SEL1L3: variants seen among roughly 807,000 people sequenced by gnomAD.
SEL1L3 encodes the protein SEL1L family member 3.
In SEL1L3, 76 loss-of-function variants were observed where a neutral mutation model predicts 142.8. The observed-to-expected ratio is 0.53, with a 90% CI of 0.44 to 0.64. The LOEUF (loss-of-function observed/expected upper bound fraction) is 0.64, where lower values mean the gene tolerates loss of function less well. Ranked by LOEUF, SEL1L3 falls within the 30% of genes least tolerant of loss-of-function variation. SEL1L3 has a pLI of 0.00. For missense variants in SEL1L3, 1,262 were observed against 1,381.7 expected (o/e 0.91, Z 1.37); for synonymous variants, 504 against 519.6 (o/e 0.97, Z 0.41).
chr4:25,757,281 T>C (rs929349504), intron 23 of SEL1L3, among the ~76,000 whole-genome samples: 6 of 151,530 alleles, frequency 4.0e-5, no homozygotes, highest in Non-Finnish European at 7.4e-5. Flanking sequence ...AAAAACAAAA[T>C]AAAATAAAAA....
intron 11 of SEL1L3, among the ~76,000 whole-genome samples, chr4:25,801,201 A>C (rs936715413): frequency 2.6e-5 from 4 of 152,220 alleles, no homozygotes; most frequent in African/African-American, 7.2e-5. Flanking sequence ...TCAGGAGTTC[A>C]AGACCAGCCT....
chr4:25,858,626 G>A (rs990841449), intron 1 of SEL1L3, among the ~76,000 whole-genome samples: 15 of 151,782 alleles, frequency 9.9e-5, no homozygotes, highest in Admixed American at 8.5e-4. Flanking sequence ...TCACTCTGTC[G>A]CCAGGCTGGA....
At chr4:25,765,553 A>G in intron 19 of SEL1L3, 118 bp from the exon 20 acceptor site, 1 of 666,406 alleles carries the variant, frequency 1.5e-6, no homozygotes, top group South Asian at 1.9e-5. Flanking sequence ...AATACAGAAC[A>G]TCTTTATGTT....
chr4:25,829,600 G>A (rs562190752), intron 6 of SEL1L3, among the ~76,000 whole-genome samples: 44 of 152,296 alleles, frequency 2.9e-4, no homozygotes, highest in African/African-American at 1.1e-3. Flanking sequence ...TCAGTTCTTA[G>A]TTTCTGTAAC....
chr4:25,797,432 T>C (rs1712858603), intron 11 of SEL1L3, among the ~76,000 whole-genome samples: 1 of 152,028 alleles, frequency 6.6e-6, no homozygotes, highest in Admixed American at 6.6e-5. Flanking sequence ...AGGCTCCCAG[T>C]AGGAGTGCGT....
intron 23 of SEL1L3, among the ~76,000 whole-genome samples, chr4:25,754,849 CT>C (rs1226920970): frequency 1.3e-5 from 2 of 152,046 alleles, no homozygotes; most frequent in Non-Finnish European, 2.9e-5. Context: ...CAATTAGTTT[CT>C]TTTTATTTCC....
At position 25,788,951 on chromosome 4, in the gene SEL1L3, A is replaced by G. The variant is rs1289891438; in HGVS notation, c.2077-587T>C. Among the ~76,000 whole-genome samples, 2 of 152,184 alleles carry G rather than the reference A, an allele frequency of 1.3e-5. No homozygotes were observed. The highest frequency in any genetic ancestry group is 4.1e-4 in the South Asian group (2 of 4,826). On this transcript the variant is annotated intron_variant, in intron 12 of 23. Coordinates refer to ENST00000399878, the MANE Select transcript of SEL1L3 (RefSeq NM_015187.5). This position sits in a 1 kb window ranked among gnomAD's most constrained non-coding sequence, Gnocchi z 5.3. Reference sequence around the variant, plus strand: ...AGAAGCTGCTGAACAAAGACTTCTTAGTGAACAAAGGAAGAAAGAAGTGCC... The same window carrying G: ...AGAAGCTGCTGAACAAAGACTTCTTGGTGAACAAAGGAAGAAAGAAGTGCC...
chr4:25,853,664 C>CT (rs34922528), intron 1 of SEL1L3, among the ~76,000 whole-genome samples: 4,198 of 83,120 alleles, frequency 0.051, 15 homozygotes, highest in Non-Finnish European at 0.062. Context: ...CTCTTCTTAC[C>CT]TTTTTTTTTT....
chr4:25,819,731 C>A lies in SEL1L3; in HGVS notation c.1423+77G>T. 5 of 1,400,772 alleles carry A rather than the reference C, an allele frequency of 3.6e-6. No homozygotes were observed. The South Asian group carries it at 5.6e-5, about 16-fold the overall frequency. 86.8% of individuals were successfully genotyped at this position (1,400,772 alleles called of 1,614,324 possible). ...AAGTCATATATGTTTAATTTTAATC[C>A]TGTTATGGAGAAGCCAAACATGTGT... On this transcript the variant is annotated intron_variant, in intron 8 of 23. Transcript: ENST00000399878.
Position 25,847,805 on chromosome 4 carries a change from A to G in SEL1L3, c.222T>C (p.Ala74=), listed in dbSNP as rs1271645371. Residue 74 remains alanine, a synonymous_variant, in exon 2 of 24, where the codon GCT becomes GCC. Transcript: ENST00000399878. ...AGTCTTTGTAAGCCACGCTCTGCTCAGCTTTGGGTATCACTGATGTCGTCA... is the reference window on the plus strand; with the variant it reads ...AGTCTTTGTAAGCCACGCTCTGCTCGGCTTTGGGTATCACTGATGTCGTCA... The part of the protein sequence containing the change: ...TSLTTSVIPK[A]EQSVAYKDFI... 6.2e-7 allele frequency: 1 copy of G among 1,610,988 alleles called. No homozygotes were observed. The highest frequency in any genetic ancestry group is 8.5e-7 in the Non-Finnish European group (1 of 1,178,664).
chr4:25,757,134 GGC>G (rs1183136438), intron 23 of SEL1L3, among the ~76,000 whole-genome samples: 2 of 151,960 alleles, frequency 1.3e-5, no homozygotes, highest in Non-Finnish European at 1.5e-5. Context: ...CGGGTGTGGT[GGC>G]GCACACCTGT....
intron 7 of SEL1L3, 74 bp from the exon 8 acceptor site, chr4:25,820,014 T>G: frequency 1.4e-4 from 206 of 1,458,634 alleles, no homozygotes; most frequent in East Asian, 4.6e-4. Flanking sequence ...AGGATGTGTT[T>G]GGGTTGACTT....
intron 1 of SEL1L3, among the ~76,000 whole-genome samples, chr4:25,848,494 T>C (rs1716688077): frequency 6.6e-6 from 1 of 152,234 alleles, no homozygotes; most frequent in Non-Finnish European, 1.5e-5. Context: ...CAGACAATGC[T>C]ACATGCACCA....
Position 25,748,314 on chromosome 4 carries a change from C to T in SEL1L3, c.*111G>A. 3 of 1,165,042 alleles carry T rather than the reference C, an allele frequency of 2.6e-6. No homozygotes were observed. The highest frequency in any genetic ancestry group is 2.4e-6 in the Non-Finnish European group (2 of 844,438). The allele number at this position is 1,165,042 out of a possible 1,614,324, so 72.2% of individuals were successfully genotyped here. A position where few individuals can be genotyped will look rare whatever the true frequency, so the allele number is the denominator to read the frequency against. On this transcript the variant is annotated 3_prime_UTR_variant, in exon 24 of 24. Transcript: ENST00000399878. ...TGACACCAATTGCAAAATTTGCATC[C>T]AGTTGACAAGACATTTAAGGTGTTT... is the stretch of plus-strand genomic sequence containing the variant.
chr4:25,841,350 T>C (rs1370646671), intron 2 of SEL1L3, among the ~76,000 whole-genome samples: 1 of 152,282 alleles, frequency 6.6e-6, no homozygotes, highest in African/African-American at 2.4e-5. Context: ...TTTTGATCCA[T>C]GAAAACTCTA....
At chr4:25,810,335 GCCA>G (rs1438837236) in intron 9 of SEL1L3, among the ~76,000 whole-genome samples, 25 of 152,014 alleles carry the variant, frequency 1.6e-4, no homozygotes, top group Non-Finnish European at 2.6e-4. Flanking sequence ...ATTGCTCCCT[GCCA>G]CAACCAAGAG....
At chr4:25,860,993 G>T (rs988495768) in intron 1 of SEL1L3, among the ~76,000 whole-genome samples, 1 of 152,112 alleles carries the variant, frequency 6.6e-6, no homozygotes, top group Non-Finnish European at 1.5e-5. Flanking sequence ...AGGCCCTTAG[G>T]CTTTGCTCTC....
chr4:25,831,867 TG>T (rs1297677616), intron 5 of SEL1L3, among the ~76,000 whole-genome samples: 1 of 152,158 alleles, frequency 6.6e-6, no homozygotes, highest in East Asian at 1.9e-4. Flanking sequence ...ACCTGCTTAA[TG>T]TTACTTCCAC....
chr4:25,731,290 T>C, the SEL1L3 span, among the ~76,000 whole-genome samples: 1 of 152,190 alleles, frequency 6.6e-6, no homozygotes. Context: ...AACTATTGTA[T>C]ACAGAGTAAA....
Sources: allele counts gnomAD v4.1 joint callset (sites outside exome capture counted in the v4.1 genomes callset), GRCh38; gene constraint gnomAD v4.1.1; non-coding constraint Gnocchi (gnomAD v3.1); transcripts MANE v1.5; gene names NCBI Gene and HGNC (gene_info 2026-07-23, HGNC 2026-07-21).